HSD17B12: variants seen among roughly 807,000 people sequenced by gnomAD.
HSD17B12 encodes hydroxysteroid 17-beta dehydrogenase 12.
In HSD17B12, 32 loss-of-function variants were observed where a neutral mutation model predicts 39.3. The ratio of observed to expected loss-of-function variants is 0.81; its 90% CI spans 0.61 to 1.09. HSD17B12 has a LOEUF of 1.09. HSD17B12 is among the 50% of genes least tolerant of loss of function. The probability of loss-of-function intolerance (pLI) is 0.00; values close to 1 mark genes in which losing one functional copy is unlikely to be tolerated. For missense variants in HSD17B12, 342 were observed against 382.9 expected, an observed-to-expected ratio of 0.89 and a Z score of 0.89; for synonymous variants, 150 against 146.7, an observed-to-expected ratio of 1.02 and a Z score of -0.16.
At chr11:43,800,874 C>T (rs1432131388) in intron 4 of HSD17B12, among the ~76,000 whole-genome samples, 1 of 152,072 alleles carries the variant, frequency 6.6e-6, no homozygotes, top group African/African-American at 2.4e-5. Context: ...CGTGGTGGCT[C>T]ACACCTGTAA....
chr11:43,621,589 C>T, the HSD17B12 span, among the ~76,000 whole-genome samples: 1 of 152,116 alleles, frequency 6.6e-6, no homozygotes, highest in Non-Finnish European at 1.5e-5. Flanking sequence ...TTGGCAAGTG[C>T]CTGTGGTCCC....
chr11:43,693,111 C>T (rs537871751), intron 1 of HSD17B12, among the ~76,000 whole-genome samples: 2 of 152,314 alleles, frequency 1.3e-5, no homozygotes, highest in South Asian at 4.1e-4. Flanking sequence ...AAGGTAATGA[C>T]TTGCCCAAGA....
chr11:43,844,781 A>T (rs1198131646), intron 9 of HSD17B12, among the ~76,000 whole-genome samples: 1 of 152,216 alleles, frequency 6.6e-6, no homozygotes, highest in Admixed American at 6.5e-5. Context: ...TTCTGTTTTT[A>T]AAAAAATTAT....
chr11:43,780,111 A>G (rs1438034569), intron 3 of HSD17B12, among the ~76,000 whole-genome samples: 1 of 152,136 alleles, frequency 6.6e-6, no homozygotes, highest in East Asian at 1.9e-4. Context: ...CTGTTGCTGC[A>G]TATCATATTG....
chr11:43,835,204 G>A (rs1428743033), intron 7 of HSD17B12, among the ~76,000 whole-genome samples: 2 of 152,022 alleles, frequency 1.3e-5, no homozygotes, highest in East Asian at 1.9e-4. Context: ...GCAATTAAGC[G>A]CAGCCCATTT....
chr11:43,627,093 A>G, the HSD17B12 span, among the ~76,000 whole-genome samples: 1 of 152,008 alleles, frequency 6.6e-6, no homozygotes, highest in Non-Finnish European at 1.5e-5. Flanking sequence ...TAAAATTTTC[A>G]TCTAGACATG....
chr11:43,655,785 T>A, the HSD17B12 span, among the ~76,000 whole-genome samples: 1 of 152,190 alleles, frequency 6.6e-6, no homozygotes, highest in Non-Finnish European at 1.5e-5. Flanking sequence ...AGCTTTTTGA[T>A]GTGCTGCTGG....
At chr11:43,821,019 C>G (rs1180621390) in intron 6 of HSD17B12, among the ~76,000 whole-genome samples, 22 of 152,138 alleles carry the variant, frequency 1.4e-4, no homozygotes, top group Admixed American at 1.4e-3. Flanking sequence ...AATTGTAGGT[C>G]ACCACCAGAT....
At chr11:43,744,293 A>G (rs1424491313) in intron 1 of HSD17B12, among the ~76,000 whole-genome samples, 6 of 152,170 alleles carry the variant, frequency 3.9e-5, no homozygotes, top group Admixed American at 3.9e-4. Flanking sequence ...ACACCCACTC[A>G]TTTGGGTGCA....
intron 1 of HSD17B12, among the ~76,000 whole-genome samples, chr11:43,710,871 A>G (rs1262499405): frequency 6.6e-6 from 1 of 151,868 alleles, no homozygotes; most frequent in Non-Finnish European, 1.5e-5. Flanking sequence ...GCTCACTGCA[A>G]CCTCCACCTC....
At chr11:43,748,044 T>C (rs1950428038) in intron 1 of HSD17B12, among the ~76,000 whole-genome samples, 1 of 152,064 alleles carries the variant, frequency 6.6e-6, no homozygotes, top group African/African-American at 2.4e-5. Flanking sequence ...GTGGAAACAA[T>C]TAGAATATGT....
chr11:43,619,597 G>A, the HSD17B12 span, among the ~76,000 whole-genome samples: 1 of 151,760 alleles, frequency 6.6e-6, no homozygotes, highest in Non-Finnish European at 1.5e-5. Flanking sequence ...TCACCATGTT[G>A]GCCAGGCTGG....
chr11:43,738,980 A>G lies in HSD17B12; in HGVS notation c.161-11931A>G, dbSNP rs951796929. On this transcript the variant is annotated intron_variant, in intron 1 of 10. Coordinates refer to ENST00000278353, the MANE Select transcript of HSD17B12 (RefSeq NM_016142.3). ...TTGAGAAAGTTCACTGGCTTTGGGT[A>G]AGGGTTTGGGGAACTGGCAAGTCCT... is the stretch of plus-strand genomic sequence containing the variant. Among the ~76,000 whole-genome samples the G allele has an allele frequency of 2.0e-5, 3 of 152,330 alleles. No individual in the cohort carries two copies. In the East Asian group the frequency reaches 5.8e-4, roughly 29 times the overall value.
the HSD17B12 span, among the ~76,000 whole-genome samples, chr11:43,633,756 C>G: frequency 6.6e-6 from 1 of 151,890 alleles, no homozygotes; most frequent in South Asian, 2.1e-4. Flanking sequence ...TCTTGGCCAT[C>G]TTCCCTTGTC....
intron 2 of HSD17B12, among the ~76,000 whole-genome samples, chr11:43,752,512 A>C (rs1236794015): frequency 6.6e-6 from 1 of 152,014 alleles, no homozygotes; most frequent in Non-Finnish European, 1.5e-5. Flanking sequence ...TCAGGAGTTC[A>C]AGACCAGCCT....
At chr11:43,717,569 T>C (rs1415200244) in intron 1 of HSD17B12, among the ~76,000 whole-genome samples, 2 of 152,102 alleles carry the variant, frequency 1.3e-5, no homozygotes, top group Admixed American at 6.6e-5. Flanking sequence ...CACATGGTAT[T>C]GGCTGGGGGT....
chr11:43,588,159 G>A, the HSD17B12 span, among the ~76,000 whole-genome samples: 3 of 152,122 alleles, frequency 2.0e-5, no homozygotes, highest in Non-Finnish European at 4.4e-5. Context: ...TTTCATTTAG[G>A]GCAAAGGGGC....
intron 9 of HSD17B12, chr11:43,848,517 C>T (rs1215379861): frequency 1.3e-5 from 2 of 152,202 alleles, no homozygotes; most frequent in Non-Finnish European, 2.9e-5. Context: ...CAAATTCATT[C>T]TAAAAATATA....
intron 3 of HSD17B12, among the ~76,000 whole-genome samples, chr11:43,796,117 C>T (rs567773512): frequency 3.9e-5 from 6 of 152,172 alleles, no homozygotes; most frequent in Admixed American, 2.0e-4. Flanking sequence ...TGAGGAGCAA[C>T]GGGGAGAGTA....
Sources: allele counts gnomAD v4.1 joint callset (sites outside exome capture counted in the v4.1 genomes callset), GRCh38; gene constraint gnomAD v4.1.1; transcripts MANE v1.5; gene names NCBI Gene and HGNC (gene_info 2026-07-23, HGNC 2026-07-21).